PCSK6: variants seen among roughly 807,000 people sequenced by gnomAD.
The protein encoded by PCSK6 is proprotein convertase subtilisin/kexin type 6.
Under a neutral mutation model 123.3 loss-of-function variants are expected in PCSK6, and 85 were observed. The ratio of observed to expected loss-of-function variants is 0.69; its 90% CI spans 0.58 to 0.83. The LOEUF (loss-of-function observed/expected upper bound fraction) is 0.83. Among genes scored for constraint, PCSK6 ranks in the 40% least tolerant of loss-of-function variants. PCSK6 has a pLI of 0.00. For synonymous variants in PCSK6, 508 were observed against 516.0 expected, an observed-to-expected ratio of 0.98 and a Z score of 0.21; for missense variants, 1,191 against 1,282.3, an observed-to-expected ratio of 0.93 and a Z score of 1.09.
chr15:101,426,462 T>C (rs1038652339), intron 6 of PCSK6, among the ~76,000 whole-genome samples: 1 of 152,214 alleles, frequency 6.6e-6, no homozygotes, highest in African/African-American at 2.4e-5. Context: ...GGAGAACTTA[T>C]ATATCTCAGT....
At chr15:101,335,616 C>G (rs545129972) in intron 13 of PCSK6, among the ~76,000 whole-genome samples, 1 of 152,186 alleles carries the variant, frequency 6.6e-6, no homozygotes, top group Non-Finnish European at 1.5e-5. Context: ...CTTTCTGCAC[C>G]TTGAGTTTTC....
chr15:101,319,927 A>C (rs2040077496), intron 18 of PCSK6, among the ~76,000 whole-genome samples: 1 of 152,092 alleles, frequency 6.6e-6, no homozygotes, highest in African/African-American at 2.4e-5. Context: ...GAACCCAAGG[A>C]GGGGTCATGG....
At chr15:101,423,284 G>A (rs1188067014) in intron 6 of PCSK6, among the ~76,000 whole-genome samples, 2 of 148,430 alleles carry the variant, frequency 1.3e-5, no homozygotes, top group African/African-American at 5.0e-5. Flanking sequence ...TTTTGAGATG[G>A]AGTCTTGCTC....
At chr15:101,477,974 G>T (rs1187109772) in intron 1 of PCSK6, among the ~76,000 whole-genome samples, 1 of 152,192 alleles carries the variant, frequency 6.6e-6, no homozygotes, top group Non-Finnish European at 1.5e-5. Context: ...TAGTACAGGA[G>T]GACTTCTTCA....
intron 6 of PCSK6, among the ~76,000 whole-genome samples, chr15:101,404,810 G>A (rs1015898923): frequency 4.6e-5 from 7 of 152,170 alleles, no homozygotes; most frequent in East Asian, 3.8e-4. Flanking sequence ...GACCTCACTG[G>A]CCACCCGGGG....
intron 6 of PCSK6, among the ~76,000 whole-genome samples, chr15:101,405,943 A>G (rs914544284): frequency 6.6e-6 from 1 of 152,158 alleles, no homozygotes; most frequent in Non-Finnish European, 1.5e-5. Context: ...GGGCTTCGCC[A>G]TGCTGGCCAG....
At chr15:101,386,588 C>T (rs1188135998) in intron 9 of PCSK6, among the ~76,000 whole-genome samples, 1 of 152,166 alleles carries the variant, frequency 6.6e-6, no homozygotes, top group East Asian at 1.9e-4. Context: ...TCCAGGTCTT[C>T]GTGTAAGTGG....
intron 11 of PCSK6, among the ~76,000 whole-genome samples, chr15:101,376,180 C>A (rs2041736026): frequency 6.6e-6 from 1 of 152,114 alleles, no homozygotes. Flanking sequence ...GGAGCCTTGA[C>A]CTCCTGGGCT....
At chr15:101,350,058 G>A (rs752331792) in intron 13 of PCSK6, among the ~76,000 whole-genome samples, 4 of 151,964 alleles carry the variant, frequency 2.6e-5, no homozygotes, top group Non-Finnish European at 5.9e-5. Flanking sequence ...ACAGGTGCAC[G>A]CCACCATGCC....
chr15:101,481,258 G>A (rs923059603), intron 1 of PCSK6, among the ~76,000 whole-genome samples: 7 of 152,108 alleles, frequency 4.6e-5, no homozygotes, highest in Non-Finnish European at 1.0e-4. Context: ...TGGGGAAATC[G>A]GGGTGAGTCG....
chr15:101,453,329 C>A (rs368109671), intron 1 of PCSK6, among the ~76,000 whole-genome samples: 1 of 152,214 alleles, frequency 6.6e-6, no homozygotes, highest in Non-Finnish European at 1.5e-5. Flanking sequence ...GCAGAGCACA[C>A]GCCCCTGCTC....
chr15:101,320,211 G>C (rs576115353), intron 18 of PCSK6, among the ~76,000 whole-genome samples: 2 of 152,078 alleles, frequency 1.3e-5, no homozygotes, highest in African/African-American at 4.8e-5. Context: ...TCAGCCTCCC[G>C]AGTAGCTGAG....
At chr15:101,479,824 CAGGG>C (rs905405596) in intron 1 of PCSK6, among the ~76,000 whole-genome samples, 24 of 152,250 alleles carry the variant, frequency 1.6e-4, no homozygotes, top group African/African-American at 5.8e-4. Context: ...CGGCAATGAT[CAGGG>C]AGGTGAACTT....
intron 10 of PCSK6, among the ~76,000 whole-genome samples, chr15:101,383,869 C>T (rs35313566): frequency 0.16 from 24,064 of 152,002 alleles, 1,976 homozygotes; most frequent in Middle Eastern, 0.24. Context: ...TTTTAAAATA[C>T]ATTTTTTTAT....
intron 1 of PCSK6, among the ~76,000 whole-genome samples, chr15:101,457,830 T>C (rs1419132293): frequency 1.3e-5 from 2 of 152,202 alleles, no homozygotes; most frequent in Non-Finnish European, 2.9e-5. Flanking sequence ...TTATTTCTTA[T>C]CCATAAAATG....
At chr15:101,328,821 C>T (rs1403279722) in intron 15 of PCSK6, among the ~76,000 whole-genome samples, 1 of 152,182 alleles carries the variant, frequency 6.6e-6, no homozygotes, top group East Asian at 1.9e-4. Context: ...GTATGGCTGT[C>T]CACTTGAATT....
chr15:101,330,425 G>A (rs1313494951), intron 15 of PCSK6, among the ~76,000 whole-genome samples: 5 of 152,310 alleles, frequency 3.3e-5, no homozygotes, highest in East Asian at 1.9e-4. Flanking sequence ...CGCACACCCC[G>A]TCTCATATCC....
At chr15:101,391,926 TA>T (rs1472930186) in intron 8 of PCSK6, among the ~76,000 whole-genome samples, 9 of 152,118 alleles carry the variant, frequency 5.9e-5, no homozygotes, top group Non-Finnish European at 1.2e-4. Flanking sequence ...AATTTTAAAA[TA>T]AGAAAGAAAA....
intron 11 of PCSK6, among the ~76,000 whole-genome samples, chr15:101,379,081 C>G (rs1312457889): frequency 6.6e-6 from 1 of 152,226 alleles, no homozygotes; most frequent in Non-Finnish European, 1.5e-5. Context: ...TGACGGGGCA[C>G]CAGCTCTGTG....
Sources: allele counts gnomAD v4.1 joint callset (sites outside exome capture counted in the v4.1 genomes callset), GRCh38; gene constraint gnomAD v4.1.1; transcripts MANE v1.5; gene names NCBI Gene and HGNC (gene_info 2026-07-23, HGNC 2026-07-21).